The following JAKMIP1 variants were observed in gnomAD, a reference collection of about 807,000 sequenced individuals.
JAKMIP1 encodes the protein janus kinase and microtubule-interacting protein 1.
JAKMIP1 carries 33 observed loss-of-function variants against 113.0 expected under a neutral mutation model. The ratio of observed to expected loss-of-function variants is 0.29; its 90% CI spans 0.22 to 0.39. JAKMIP1 has a LOEUF of 0.39. JAKMIP1 is among the 10% of genes least tolerant of loss of function. The pLI is 1.00. For synonymous variants in JAKMIP1, 480 were observed against 459.9 expected, an observed-to-expected ratio of 1.04 and a Z score of -0.56; for missense variants, 813 against 1,080.5, an observed-to-expected ratio of 0.75 and a Z score of 3.47.
chr4:6,164,605 G>C (rs545848179), intron 1 of JAKMIP1, among the ~76,000 whole-genome samples: 4 of 152,280 alleles, frequency 2.6e-5, no homozygotes, highest in Non-Finnish European at 5.9e-5. Flanking sequence ...TCTGAGCAAA[G>C]TACATTGAAA....
intron 5 of JAKMIP1, among the ~76,000 whole-genome samples, chr4:6,082,768 C>T (rs1720768616): frequency 6.6e-6 from 1 of 152,140 alleles, no homozygotes; most frequent in African/African-American, 2.4e-5. Context: ...TCCCAAAGTG[C>T]TGAGATTACA....
intron 16 of JAKMIP1, among the ~76,000 whole-genome samples, chr4:6,043,445 C>G (rs1302883272): frequency 5.3e-5 from 8 of 152,010 alleles, no homozygotes; most frequent in Non-Finnish European, 8.8e-5. Context: ...CTCTGCCCTC[C>G]CCCGGGATCC....
intron 1 of JAKMIP1, among the ~76,000 whole-genome samples, chr4:6,198,328 G>T (rs1031866799): frequency 6.6e-6 from 1 of 151,958 alleles, no homozygotes; most frequent in Non-Finnish European, 1.5e-5. Flanking sequence ...GGGGGAAAAA[G>T]AAGCATGTGG....
chr4:6,053,249 G>C (rs1715905209), intron 13 of JAKMIP1, among the ~76,000 whole-genome samples: 1 of 152,222 alleles, frequency 6.6e-6, no homozygotes, highest in Non-Finnish European at 1.5e-5. Flanking sequence ...GAAGCAGTAA[G>C]ACCATTAGTA....
At position 6,049,760 on chromosome 4, in the gene JAKMIP1, C is replaced by T. The variant is rs1715430934; in HGVS notation, c.1962+59G>A. The T allele has an allele frequency of 9.5e-6, 12 of 1,261,444 alleles. No homozygotes were observed. Among genetic ancestry groups the T allele is most frequent in the African/African-American group, 1.5e-5 (1 of 67,330 alleles). 78.1% of individuals were successfully genotyped at this position (1,261,444 alleles called of 1,614,324 possible). ...AAAACAAAACAAAACAAAAGTCACACAGAATACACCCAGATCAAAACAAGA... is the reference window on the plus strand; with the variant it reads ...AAAACAAAACAAAACAAAAGTCACATAGAATACACCCAGATCAAAACAAGA... On this transcript the variant is annotated intron_variant, in intron 15 of 20. Coordinates refer to ENST00000409021, the MANE Select transcript of JAKMIP1 (RefSeq NM_001099433.2). The surrounding 1 kb of genome is among the most constrained non-coding windows in gnomAD (Gnocchi z 7.0).
rs907526592 is a variant in JAKMIP1 at position 6,064,434 on chromosome 4, A to G, written c.1431+446T>C. On this transcript the variant is annotated intron_variant, in intron 9 of 20. Coordinates refer to ENST00000409021, the MANE Select transcript of JAKMIP1 (RefSeq NM_001099433.2). This position sits in a 1 kb window ranked among gnomAD's most constrained non-coding sequence, Gnocchi z 4.3. ...GGGCTCTTCACCTTCTTCTTTATAT[A>G]TTTTTGGATTACATGCTTTATCTTA... 6.6e-6 allele frequency among the ~76,000 whole-genome samples: 1 copy of G among 152,040 alleles called. No individual in the cohort carries two copies. Among genetic ancestry groups the G allele is most frequent in the African/African-American group, 2.4e-5 (1 of 41,386 alleles).
chr4:6,078,849 T>A, intron 8 of JAKMIP1, 90 bp downstream of exon 8: 1 of 1,266,634 alleles, frequency 7.9e-7, no homozygotes, highest in East Asian at 2.3e-5. Flanking sequence ...TCAGGACCCC[T>A]CTGTAAAACC....
At chr4:6,035,599 G>C (rs887512087) in intron 19 of JAKMIP1, among the ~76,000 whole-genome samples, 1 of 152,164 alleles carries the variant, frequency 6.6e-6, no homozygotes, top group Admixed American at 6.5e-5. Context: ...ATGCCTCCCC[G>C]TAACCAGCAT....
chr4:6,048,939 G>C lies in JAKMIP1; in HGVS notation c.1963-17C>G. 1 of 1,610,134 alleles carries C rather than the reference G, an allele frequency of 6.2e-7. No homozygotes were observed. Among genetic ancestry groups the C allele is most frequent in the Non-Finnish European group, 8.5e-7 (1 of 1,176,470 alleles). On this transcript the variant is annotated splice_polypyrimidine_tract_variant and intron_variant, in intron 15 of 20. Coordinates refer to ENST00000409021, the MANE Select transcript of JAKMIP1 (RefSeq NM_001099433.2). ...TCTCAAATTCTAAAACACAAAAATGGGCAAGGGCATTTGACACTGGATCCC... is the reference window on the plus strand; with the variant it reads ...TCTCAAATTCTAAAACACAAAAATGCGCAAGGGCATTTGACACTGGATCCC...
rs1442983934 is a variant in JAKMIP1 at position 6,193,214 on chromosome 4, G to C, written c.-148+7039C>G. 2.0e-5 allele frequency among the ~76,000 whole-genome samples: 3 copies of C among 152,188 alleles called. No homozygotes were observed. The highest frequency in any genetic ancestry group is 4.4e-5 in the Non-Finnish European group (3 of 68,040). On this transcript the variant is annotated intron_variant, in intron 1 of 20. Transcript: ENST00000409021. The surrounding 1 kb of genome is among the most constrained non-coding windows in gnomAD (Gnocchi z 6.4). ...TTGGACCTACACCAGTGGTTTGCCA[G>C]GGGCTCTAAGGCCTTTGGCCACAGG...
intron 3 of JAKMIP1, among the ~76,000 whole-genome samples, chr4:6,103,611 T>A (rs1262933361): frequency 2.6e-5 from 4 of 152,238 alleles, no homozygotes; most frequent in African/African-American, 7.2e-5. Flanking sequence ...AAGAATTTAC[T>A]TGTGAAGCCA....
At chr4:6,172,451 C>T (rs956320658) in intron 1 of JAKMIP1, among the ~76,000 whole-genome samples, 37 of 152,206 alleles carry the variant, frequency 2.4e-4, no homozygotes, top group Admixed American at 2.4e-3. Flanking sequence ...CATGCTGCTC[C>T]AGCTCTGGCC....
intron 8 of JAKMIP1, among the ~76,000 whole-genome samples, chr4:6,071,158 T>C (rs1718898583): frequency 6.6e-6 from 1 of 152,250 alleles, no homozygotes. Context: ...GTGACTGGAT[T>C]GTGCTACTCA....
chr4:6,028,784 C>G (rs1712197910), intron 20 of JAKMIP1, among the ~76,000 whole-genome samples: 1 of 152,236 alleles, frequency 6.6e-6, no homozygotes, highest in Non-Finnish European at 1.5e-5. Context: ...CACGGACCTC[C>G]TGGATGGGTT....
intron 1 of JAKMIP1, among the ~76,000 whole-genome samples, chr4:6,114,328 G>A (rs73073485): frequency 2.6e-5 from 4 of 152,284 alleles, no homozygotes; most frequent in South Asian, 2.1e-4. Context: ...CTCCAACAGC[G>A]GGCAGCCCCA....
rs34854931 is a variant in JAKMIP1, at chr4:6,186,896, C to T, written c.-148+13357G>A. ...AAGCTGGAGTGCAGTGGTGCAATCA[C>T]GGCTCACTGCAGCCTCAACCTCCCC... On this transcript the variant is annotated intron_variant, in intron 1 of 20. Coordinates refer to ENST00000409021, the MANE Select transcript of JAKMIP1 (RefSeq NM_001099433.2). This position sits in a 1 kb window ranked among gnomAD's most constrained non-coding sequence, Gnocchi z 5.5. Among the ~76,000 whole-genome samples, 28,686 of 152,122 alleles carry T rather than the reference C, an allele frequency of 0.19. 2,782 individuals are homozygous for T. Among genetic ancestry groups the T allele is most frequent in the South Asian group, 0.28 (1,326 of 4,816 alleles).
intron 3 of JAKMIP1, among the ~76,000 whole-genome samples, chr4:6,096,466 T>A (rs1711787790): frequency 6.6e-6 from 1 of 152,220 alleles, no homozygotes; most frequent in South Asian, 2.1e-4. Flanking sequence ...CTCTCCATTT[T>A]TCTAAAGGCC....
Position 6,042,365 on chromosome 4 carries a change from C to T in JAKMIP1, c.2029-138G>A. On this transcript the variant is annotated intron_variant, in intron 16 of 20. Coordinates refer to ENST00000409021, the MANE Select transcript of JAKMIP1 (RefSeq NM_001099433.2). This position sits in a 1 kb window ranked among gnomAD's most constrained non-coding sequence, Gnocchi z 5.2. ...CAGGAATGGGTCAGGTCATGGCACACACATGCCTGATCTGTGGATGGCGTG... is the reference window on the plus strand; with the variant it reads ...CAGGAATGGGTCAGGTCATGGCACATACATGCCTGATCTGTGGATGGCGTG... 1 of 696,410 alleles carries T rather than the reference C, an allele frequency of 1.4e-6. No homozygotes were observed. The highest frequency in any genetic ancestry group is 2.6e-6 in the Non-Finnish European group (1 of 390,900). 43.1% of individuals were successfully genotyped at this position (696,410 alleles called of 1,614,324 possible).
At chr4:6,160,817 ACTGACTCACTGACCTCCACTCACCTCCC>A (rs1319841198) in intron 1 of JAKMIP1, among the ~76,000 whole-genome samples, 1 of 147,772 alleles carries the variant, frequency 6.8e-6, no homozygotes, top group Non-Finnish European at 1.5e-5. Flanking sequence ...ACTCACCTCC[ACTGACTCACTGACCTCCACTCACCTCCC>A]CTGACCAACT....
Sources: gnomAD v4.1 joint callset for allele counts (sites outside exome capture counted in the v4.1 genomes callset) on GRCh38, gnomAD v4.1.1 for gene constraint, Gnocchi (gnomAD v3.1) non-coding constraint, MANE v1.5 for transcripts, NCBI Gene and HGNC (gene_info 2026-07-23, HGNC 2026-07-21) for gene names.